CSTF3: variants seen among roughly 807,000 people sequenced by gnomAD.
The protein encoded by CSTF3 is CF-1 77 kDa subunit.
Under a neutral mutation model 105.8 loss-of-function variants are expected in CSTF3, and 29 were observed. That is an observed-to-expected ratio of 0.27 (90% CI 0.20 to 0.37). The LOEUF (loss-of-function observed/expected upper bound fraction) is 0.37. CSTF3 is among the 10% of genes least tolerant of loss of function. CSTF3 has a pLI of 1.00. For synonymous variants in CSTF3, 252 were observed against 281.9 expected (o/e 0.89, Z 1.06); for missense variants, 357 against 879.3 (o/e 0.41, Z 7.51).
chr11:33,144,942 A>G, intron 1 of CSTF3: 1 of 189,194 alleles, frequency 5.3e-6, no homozygotes, highest in Non-Finnish European at 1.1e-5. Flanking sequence ...CCGCCACTGC[A>G]CTCGGGCCTG....
At chr11:33,152,988 C>T (rs1458290728) in intron 1 of CSTF3, among the ~76,000 whole-genome samples, 3 of 151,454 alleles carry the variant, frequency 2.0e-5, no homozygotes, top group East Asian at 1.9e-4. Flanking sequence ...AATTGAGGAG[C>T]CCAGAGGGAT....
At chr11:33,092,219 G>A (rs1342822969) in intron 16 of CSTF3, 52 bp downstream of exon 16, 1 of 1,290,038 alleles carries the variant, frequency 7.8e-7, no homozygotes. Flanking sequence ...CCACAATTCA[G>A]GTAAGAAAGC....
intron 1 of CSTF3, among the ~76,000 whole-genome samples, chr11:33,148,270 T>C (rs1311713811): frequency 6.6e-6 from 1 of 152,180 alleles, no homozygotes; most frequent in East Asian, 1.9e-4. Flanking sequence ...TAGAATCACC[T>C]AAGGGAAGGA....
intron 3 of CSTF3, among the ~76,000 whole-genome samples, chr11:33,138,485 T>C (rs1353503312): frequency 1.3e-5 from 2 of 151,908 alleles, no homozygotes; most frequent in Non-Finnish European, 3.0e-5. Context: ...ACTGAGGCTC[T>C]GACTGGGGCA....
chr11:33,143,086 T>C (rs926529219), intron 1 of CSTF3, among the ~76,000 whole-genome samples: 5 of 152,186 alleles, frequency 3.3e-5, no homozygotes, highest in Non-Finnish European at 5.9e-5. Flanking sequence ...TGAAATGACA[T>C]GGAAATCTTA....
At chr11:33,138,032 A>G (rs1855672903) in intron 3 of CSTF3, among the ~76,000 whole-genome samples, 1 of 151,804 alleles carries the variant, frequency 6.6e-6, no homozygotes, top group Non-Finnish European at 1.5e-5. Flanking sequence ...AATGTATGCT[A>G]CACAACCCAT....
intron 15 of CSTF3, among the ~76,000 whole-genome samples, chr11:33,094,351 AATG>A (rs1445917269): frequency 5.9e-5 from 9 of 152,184 alleles, no homozygotes; most frequent in Non-Finnish European, 1.2e-4. Flanking sequence ...TGAAACATCA[AATG>A]ATGATGCAAT....
intron 3 of CSTF3, chr11:33,140,930 T>C (rs891491044): frequency 2.0e-5 from 3 of 152,076 alleles, no homozygotes; most frequent in Admixed American, 2.0e-4. Context: ...ATTAAAACTT[T>C]TATTATCATT....
chr11:33,121,650 T>C (rs1436888004), intron 3 of CSTF3, among the ~76,000 whole-genome samples: 2 of 152,128 alleles, frequency 1.3e-5, no homozygotes, highest in African/African-American at 2.4e-5. Context: ...ATATTCCTGC[T>C]CTAAGAACAG....
In CSTF3 at chr11:33,098,728, T is replaced by C. The variant is rs764167058; in HGVS notation, c.1090A>G (p.Asn364Asp). ...MKYEKVHSIYNRLLAIEDIDP... is the reference protein window; with the variant it reads ...MKYEKVHSIYDRLLAIEDIDP... ...ATATCCTCAATTGCCAGAAGTCTGT[T>C]ATATATACTGTGAACCTTTTCATAC... Residue 364 changes from asparagine (N) to aspartate (D), a missense_variant, in exon 13 of 21, where the codon AAC becomes GAC. Asn to Asp is a conservative substitution (Grantham distance 23). This residue lies in a region of CSTF3 where 206 missense variants were observed against 576.5 expected (regional missense o/e 0.36). Coordinates refer to ENST00000323959, the MANE Select transcript of CSTF3 (RefSeq NM_001326.3). 1 of 1,564,764 alleles carries C rather than the reference T, an allele frequency of 6.4e-7. No individual in the cohort carries two copies. Among genetic ancestry groups the C allele is most frequent in the East Asian group, 2.3e-5 (1 of 43,028 alleles).
At chr11:33,102,132 C>A in intron 10 of CSTF3, 45 bp downstream of exon 10, 1 of 1,567,244 alleles carries the variant, frequency 6.4e-7, no homozygotes, top group Non-Finnish European at 8.8e-7. Context: ...ACCAAGTGGC[C>A]TAACATACAT....
intron 1 of CSTF3, among the ~76,000 whole-genome samples, chr11:33,147,155 G>A (rs1855794205): frequency 6.6e-6 from 1 of 152,094 alleles, no homozygotes; most frequent in Non-Finnish European, 1.5e-5. Context: ...AACTTAGCCA[G>A]GCGTGGTGGC....
chr11:33,131,886 T>G (rs1855603704), intron 3 of CSTF3, among the ~76,000 whole-genome samples: 1 of 152,104 alleles, frequency 6.6e-6, no homozygotes. Flanking sequence ...TCCTTTTAAG[T>G]GTGATAATGG....
At chr11:33,107,571 T>C (rs757316852) in intron 5 of CSTF3, among the ~76,000 whole-genome samples, 30 of 152,172 alleles carry the variant, frequency 2.0e-4, no homozygotes, top group African/African-American at 5.5e-4. Context: ...AAGTAGCACA[T>C]TGCATTGTGA....
At chr11:33,113,812 T>C (rs939505478) in intron 3 of CSTF3, among the ~76,000 whole-genome samples, 5 of 152,008 alleles carry the variant, frequency 3.3e-5, no homozygotes, top group Admixed American at 2.0e-4. Flanking sequence ...TCCCAGCACT[T>C]TGGAAGGCTG....
At chr11:33,126,314 G>C (rs1377255723) in intron 3 of CSTF3, among the ~76,000 whole-genome samples, 2 of 152,058 alleles carry the variant, frequency 1.3e-5, no homozygotes, top group Non-Finnish European at 2.9e-5. Flanking sequence ...GTGGTGGCCT[G>C]CAACTGTGGT....
intron 15 of CSTF3, among the ~76,000 whole-genome samples, chr11:33,095,826 ATAAAT>A (rs1565003104): frequency 7.3e-5 from 11 of 150,148 alleles, no homozygotes; most frequent in Admixed American, 4.0e-4. Flanking sequence ...TCTCAAATAA[ATAAAT>A]AAATAAATAA....
intron 3 of CSTF3, among the ~76,000 whole-genome samples, chr11:33,140,396 A>G (rs1855697631): frequency 6.6e-6 from 1 of 152,024 alleles, no homozygotes; most frequent in Non-Finnish European, 1.5e-5. Context: ...AATCTCTCTC[A>G]TACATACAAA....
At chr11:33,102,376 G>C (rs1485319054) in intron 9 of CSTF3, 37 bp from the exon 10 acceptor site, 12 of 1,607,474 alleles carry the variant, frequency 7.5e-6, no homozygotes, top group Non-Finnish European at 1.0e-5. Flanking sequence ...TGGTGAGCCA[G>C]GAACAACTGA....
Sources: allele counts gnomAD v4.1 joint callset (sites outside exome capture counted in the v4.1 genomes callset), GRCh38; gene constraint gnomAD v4.1.1; regional missense constraint gnomAD v4.1.1; transcripts MANE v1.5; gene names NCBI Gene and HGNC (gene_info 2026-07-23, HGNC 2026-07-21).